The following RIN2 variants were observed in gnomAD, a reference collection of about 807,000 sequenced individuals.
The protein encoded by RIN2 is RAB5 interacting protein 2.
A neutral mutation model predicts 78.0 loss-of-function variants in RIN2; 36 were observed. The ratio of observed to expected loss-of-function variants is 0.46; its 90% CI spans 0.35 to 0.61. The LOEUF is 0.61. Among genes scored for constraint, RIN2 ranks in the 20% least tolerant of loss-of-function variants. The pLI, the probability that RIN2 is intolerant of heterozygous loss-of-function variation, is 0.00. For missense variants in RIN2, 1,087 were observed against 1,159.7 expected (o/e 0.94, Z 0.91); for synonymous variants, 466 against 466.8 (o/e 1.00, Z 0.02).
chr20:19,865,860 G>C (rs1363710878), intron 2 of RIN2, among the ~76,000 whole-genome samples: 1 of 151,932 alleles, frequency 6.6e-6, no homozygotes, highest in Non-Finnish European at 1.5e-5. Flanking sequence ...ATGTATAAAG[G>C]TGCATTTGCA....
chr20:19,814,034 G>T (rs2035684665), intron 2 of RIN2, among the ~76,000 whole-genome samples: 1 of 152,176 alleles, frequency 6.6e-6, no homozygotes, highest in African/African-American at 2.4e-5. Context: ...AAATAGGTCA[G>T]AATAGAAAAA....
At chr20:19,957,921 A>G (rs970126002) in intron 5 of RIN2, among the ~76,000 whole-genome samples, 1 of 152,230 alleles carries the variant, frequency 6.6e-6, no homozygotes, top group Admixed American at 6.5e-5. Flanking sequence ...TACAGTGTCT[A>G]CTTCCAAAGG....
At chr20:19,823,519 T>A in intron 2 of RIN2, 1 of 1,084,724 alleles carries the variant, frequency 9.2e-7, no homozygotes, top group Non-Finnish European at 1.4e-6. Flanking sequence ...GCCATCAACA[T>A]TACAGCCCAC....
intron 11 of RIN2, among the ~76,000 whole-genome samples, chr20:19,994,435 C>T (rs533028525): frequency 1.3e-5 from 2 of 152,320 alleles, no homozygotes; most frequent in Admixed American, 6.5e-5. Flanking sequence ...ACCAAAAAGG[C>T]GTCATAGAAT....
At chr20:19,824,254 G>A (rs1344398749) in intron 2 of RIN2, among the ~76,000 whole-genome samples, 3 of 152,202 alleles carry the variant, frequency 2.0e-5, no homozygotes, top group Non-Finnish European at 1.5e-5. Context: ...ATCAGCGGGA[G>A]GCCCCTGTGC....
intron 9 of RIN2, among the ~76,000 whole-genome samples, chr20:19,987,696 A>C (rs2042664514): frequency 6.6e-6 from 1 of 152,232 alleles, no homozygotes; most frequent in South Asian, 2.1e-4. Context: ...TATAAGGTAA[A>C]GTCAAAGATG....
At chr20:19,820,138 T>G (rs2035884987) in intron 2 of RIN2, among the ~76,000 whole-genome samples, 1 of 152,254 alleles carries the variant, frequency 6.6e-6, no homozygotes, top group African/African-American at 2.4e-5. Flanking sequence ...TGTTGCCATT[T>G]TCACATCAAC....
At chr20:19,887,182 A>AT (rs10522974) in intron 2 of RIN2, among the ~76,000 whole-genome samples, 5,530 of 145,738 alleles carry the variant, frequency 0.038, 153 homozygotes, top group Middle Eastern at 0.12. Flanking sequence ...ATGCCCATCT[A>AT]TTTTTTTTTT....
chr20:19,870,975 T>C (rs1225655110), intron 2 of RIN2, among the ~76,000 whole-genome samples: 1 of 152,198 alleles, frequency 6.6e-6, no homozygotes, highest in African/African-American at 2.4e-5. Context: ...TAACAAATAC[T>C]GTTTAAGGAG....
At chr20:19,984,603 C>G (rs2042568774) in intron 9 of RIN2, among the ~76,000 whole-genome samples, 1 of 152,086 alleles carries the variant, frequency 6.6e-6, no homozygotes, top group East Asian at 1.9e-4. Flanking sequence ...CCCATCTCTA[C>G]TAAAAATACA....
intron 2 of RIN2, among the ~76,000 whole-genome samples, chr20:19,862,605 C>T (rs2037377727): frequency 6.6e-6 from 1 of 151,764 alleles, no homozygotes; most frequent in African/African-American, 2.4e-5. Context: ...AACAAACAAA[C>T]AAACAAACAA....
chr20:19,992,782 AC>A (rs1255048811), intron 11 of RIN2, among the ~76,000 whole-genome samples: 2 of 152,184 alleles, frequency 1.3e-5, no homozygotes, highest in African/African-American at 4.8e-5. Context: ...GAAATTATAA[AC>A]TTTTGTTGAG....
chr20:19,938,929 C>T (rs2040755366), intron 4 of RIN2, among the ~76,000 whole-genome samples: 1 of 152,230 alleles, frequency 6.6e-6, no homozygotes, highest in Admixed American at 6.5e-5. Flanking sequence ...CTTCCTGGGT[C>T]TTCCCCGTCC....
chr20:19,855,507 G>C lies in RIN2; in HGVS notation c.-36-34059G>C, dbSNP rs143907905. On this transcript the variant is annotated intron_variant, in intron 2 of 12. Transcript: ENST00000255006. ...TAGAATTCAGTTGTGAATCCGTCTGGTCCTGGACTTTTTCTGGTTGGTACA... is the reference window on the plus strand; with the variant it reads ...TAGAATTCAGTTGTGAATCCGTCTGCTCCTGGACTTTTTCTGGTTGGTACA... Among the ~76,000 whole-genome samples, 273 of 152,242 alleles carry C rather than the reference G, an allele frequency of 1.8e-3. 1 individual carries two copies. The highest frequency in any genetic ancestry group is 6.3e-3 in the African/African-American group (261 of 41,542).
chr20:19,785,318 T>G (rs1301630156), intron 1 of RIN2, among the ~76,000 whole-genome samples: 2 of 151,650 alleles, frequency 1.3e-5, no homozygotes, highest in African/African-American at 4.9e-5. Context: ...AAAAGAAAAC[T>G]AATGACATTC....
chr20:20,000,646 A>T lies in RIN2; in HGVS notation c.2398A>T (p.Ser800Cys), dbSNP rs368984007. ...CCGAGTTGCATTTCAGGAGGTCAAC[A>T]GTGGTTGCACAGGAAAGACCCTCCT... is the stretch of plus-strand genomic sequence containing the variant. ...YLRVAFQEVN[S>C]GCTGKTLLVR... The change falls in exon 13 of 13, where the codon AGT becomes TGT. Residue 800 changes from serine (S) to cysteine (C), a missense_variant. Around this residue, in one of 8 missense-constraint regions of RIN2, gnomAD observed 160 missense variants for 179.4 expected, o/e 0.89. Coordinates refer to ENST00000255006, the MANE Select transcript of RIN2 (RefSeq NM_018993.4). 475 of 1,606,078 alleles carry T rather than the reference A, an allele frequency of 3.0e-4. No individual in the cohort carries two copies. The highest frequency in any genetic ancestry group is 9.9e-4 in the Middle Eastern group (6 of 6,048).
chr20:19,990,754 A>G (rs1188213988), intron 10 of RIN2, among the ~76,000 whole-genome samples: 5 of 152,160 alleles, frequency 3.3e-5, no homozygotes. Context: ...CCCAAGTGCA[A>G]TGGAAATGTC....
chr20:19,848,453 T>C (rs537885745), intron 2 of RIN2, among the ~76,000 whole-genome samples: 65 of 150,588 alleles, frequency 4.3e-4, no homozygotes, highest in African/African-American at 1.2e-3. Flanking sequence ...GGAGAATCAC[T>C]TGAACCAGGG....
intron 4 of RIN2, among the ~76,000 whole-genome samples, chr20:19,953,820 G>A (rs2041422646): frequency 6.6e-6 from 1 of 152,094 alleles, no homozygotes; most frequent in African/African-American, 2.4e-5. Flanking sequence ...TTTAACACCA[G>A]CTTCACTTTG....
Sources: allele counts gnomAD v4.1 joint callset (sites outside exome capture counted in the v4.1 genomes callset), GRCh38; gene constraint gnomAD v4.1.1; regional missense constraint gnomAD v4.1.1; transcripts MANE v1.5; gene names NCBI Gene and HGNC (gene_info 2026-07-23, HGNC 2026-07-21).